The following HUNK variants were observed in gnomAD, a reference collection of about 807,000 sequenced individuals.
HUNK encodes the protein hormonally up-regulated neu tumor-associated kinase.
A neutral mutation model predicts 61.0 loss-of-function variants in HUNK; 21 were observed. The ratio of observed to expected loss-of-function variants is 0.34; its 90% confidence interval spans 0.24 to 0.50. The LOEUF (loss-of-function observed/expected upper bound fraction) is 0.50, where lower values mean the gene tolerates loss of function less well. HUNK is among the 20% of genes least tolerant of loss of function. The pLI is 0.98. For synonymous variants in HUNK, 371 were observed against 386.1 expected, an observed-to-expected ratio of 0.96 and a Z score of 0.46; for missense variants, 772 against 945.7, an observed-to-expected ratio of 0.82 and a Z score of 2.41.
intron 1 of HUNK, among the ~76,000 whole-genome samples, chr21:31,896,394 GT>G (rs1201721902): frequency 6.6e-6 from 1 of 152,154 alleles, no homozygotes; most frequent in Non-Finnish European, 1.5e-5. Context: ...GGAACCTGGG[GT>G]TTCTCTCTCT....
At chr21:31,901,975 A>G (rs188048468) in intron 1 of HUNK, among the ~76,000 whole-genome samples, 1 of 152,220 alleles carries the variant, frequency 6.6e-6, no homozygotes, top group Non-Finnish European at 1.5e-5. Flanking sequence ...ATGCCTGACC[A>G]TGTCCCAGCT....
chr21:31,921,112 G>A (rs541374516), intron 1 of HUNK, among the ~76,000 whole-genome samples: 3 of 128,798 alleles, frequency 2.3e-5, no homozygotes, highest in Non-Finnish European at 4.6e-5. Context: ...CCAAGATTGT[G>A]CCACTGCATT....
At chr21:31,981,590 A>G (rs2053097827) in intron 7 of HUNK, among the ~76,000 whole-genome samples, 1 of 152,064 alleles carries the variant, frequency 6.6e-6, no homozygotes, top group South Asian at 2.1e-4. Context: ...GGTTACATTT[A>G]TTCCTAAGCA....
In HUNK at chr21:31,974,551, G is replaced by A. The variant is rs754005752; in HGVS notation, c.1011-4G>A. The A allele has an allele frequency of 8.7e-6, 14 of 1,611,084 alleles. No individual in the cohort carries two copies. In the East Asian group the frequency reaches 8.9e-5, roughly 10 times the overall value. The stretch of plus-strand genomic sequence containing the variant: ...GACTGGTCCTCTCTCTCTGCACCTC[G>A]CAGGATTTCTCTGGAAGATCTGAGC... On this transcript the variant is annotated splice_region_variant and splice_polypyrimidine_tract_variant and intron_variant, in intron 6 of 10. Coordinates refer to ENST00000270112, the MANE Select transcript of HUNK (RefSeq NM_014586.2).
Position 31,995,801 on chromosome 21 carries a change from G to A in HUNK, c.1339G>A (p.Asp447Asn). ...GCCCAAAGAACAAGAAAAAAGAGGG[G>A]ATTTTCTTCATCGACCATTCTCCAA... ...KKPKEQEKRG[D>N]FLHRPFSKKL... The change falls in exon 10 of 11, where the codon GAT (aspartate) becomes AAT (asparagine). Residue 447 changes from aspartate (D) to asparagine (N), a missense_variant. Asp to Asn is a conservative substitution (Grantham distance 23). Coordinates refer to ENST00000270112, the MANE Select transcript of HUNK (RefSeq NM_014586.2). The A allele has an allele frequency of 1.2e-6, 2 of 1,614,086 alleles. No homozygotes were observed. Among genetic ancestry groups the A allele is most frequent in the Non-Finnish European group, 1.7e-6 (2 of 1,179,970 alleles).
intron 3 of HUNK, among the ~76,000 whole-genome samples, chr21:31,944,797 A>T (rs1352245170): frequency 6.6e-6 from 1 of 152,222 alleles, no homozygotes; most frequent in Non-Finnish European, 1.5e-5. Context: ...TAGAGTCTTC[A>T]AGAGTTTTCT....
intron 1 of HUNK, among the ~76,000 whole-genome samples, chr21:31,898,103 CG>C (rs901410113): frequency 7.2e-5 from 11 of 152,246 alleles, no homozygotes; most frequent in African/African-American, 2.6e-4. Flanking sequence ...CAAGACCCCC[CG>C]CTGGTCTGGC....
At chr21:31,991,889 A>C (rs2053174183) in intron 9 of HUNK, among the ~76,000 whole-genome samples, 1 of 152,238 alleles carries the variant, frequency 6.6e-6, no homozygotes, top group Non-Finnish European at 1.5e-5. Flanking sequence ...CGTCCCTGTT[A>C]AATGGATGCA....
intron 4 of HUNK, among the ~76,000 whole-genome samples, chr21:31,953,899 T>C (rs1199703976): frequency 6.6e-6 from 1 of 152,204 alleles, no homozygotes. Context: ...TGCTCAACCC[T>C]GACCAGACCT....
At chr21:31,892,576 A>C (rs1204948683) in intron 1 of HUNK, among the ~76,000 whole-genome samples, 1 of 151,630 alleles carries the variant, frequency 6.6e-6, no homozygotes, top group African/African-American at 2.4e-5. Flanking sequence ...TCTGAAAAAA[A>C]AAAAAAAAAA....
chr21:31,955,387 G>A (rs574508110), intron 4 of HUNK, among the ~76,000 whole-genome samples: 4 of 149,412 alleles, frequency 2.7e-5, no homozygotes, highest in East Asian at 2.0e-4. Flanking sequence ...TCAGGAGATC[G>A]AGACCATCCT....
chr21:31,921,457 G>T (rs932829143), intron 1 of HUNK, among the ~76,000 whole-genome samples: 2 of 151,966 alleles, frequency 1.3e-5, no homozygotes, highest in African/African-American at 2.4e-5. Flanking sequence ...GTGGGGGAAG[G>T]GGGTGGCTGG....
intron 2 of HUNK, among the ~76,000 whole-genome samples, chr21:31,925,924 A>AT (rs60079886): frequency 0.02 from 2,887 of 144,094 alleles, 87 homozygotes; most frequent in African/African-American, 0.068. Context: ...AACCAGAAAT[A>AT]TTTTTTTTTT....
intron 1 of HUNK, among the ~76,000 whole-genome samples, chr21:31,909,948 G>C (rs73361262): frequency 2.0e-5 from 3 of 152,262 alleles, no homozygotes; most frequent in East Asian, 3.9e-4. Context: ...GGCTGGAGCC[G>C]GGAGCCGGGA....
Position 32,000,055 on chromosome 21 carries a change from G to C in HUNK, c.*871G>C, listed in dbSNP as rs1282849156. On this transcript the variant is annotated 3_prime_UTR_variant, in exon 11 of 11. Transcript: ENST00000270112. ...TGGCCCACAGGCAGGGCAAGTCTCG[G>C]TGGCCCTGTGTTCATCCTGTTGTTT... is the stretch of plus-strand genomic sequence containing the variant. 2.5e-6 allele frequency: 1 copy of C among 397,840 alleles called. No individual in the cohort carries two copies. The highest frequency in any genetic ancestry group is 4.4e-6 in the Non-Finnish European group (1 of 225,998). 24.6% of individuals were successfully genotyped at this position (397,840 alleles called of 1,614,324 possible).
chr21:31,921,154 C>CAAAAAA (rs751938845), intron 1 of HUNK, among the ~76,000 whole-genome samples: 13 of 39,392 alleles, frequency 3.3e-4, no homozygotes, highest in Non-Finnish European at 5.1e-4. Flanking sequence ...GATTCCATCT[C>CAAAAAA]AAAAAAAAAA....
At chr21:31,910,726 T>G (rs1407846967) in intron 1 of HUNK, among the ~76,000 whole-genome samples, 2 of 152,166 alleles carry the variant, frequency 1.3e-5, no homozygotes, top group Non-Finnish European at 2.9e-5. Context: ...CAACCTCAGG[T>G]GATCTGCCTG....
chr21:31,986,112 C>A (rs1201314059), intron 8 of HUNK, among the ~76,000 whole-genome samples: 5 of 152,050 alleles, frequency 3.3e-5, no homozygotes, highest in African/African-American at 1.2e-4. Flanking sequence ...AACTCTAGAC[C>A]CCTCTGGCCA....
At chr21:31,958,504 G>A (rs181293466) in intron 4 of HUNK, among the ~76,000 whole-genome samples, 9 of 152,014 alleles carry the variant, frequency 5.9e-5, no homozygotes, top group East Asian at 3.9e-4. Flanking sequence ...CAGGGTGTGC[G>A]GGGGCTTCAT....
Sources: gnomAD v4.1 joint callset for allele counts (sites outside exome capture counted in the v4.1 genomes callset) on GRCh38, gnomAD v4.1.1 for gene constraint, MANE v1.5 for transcripts, NCBI Gene and HGNC (gene_info 2026-07-23, HGNC 2026-07-21) for gene names.